The following TPP2 variants were observed in gnomAD, a reference collection of about 807,000 sequenced individuals.
TPP2 encodes tripeptidyl-peptidase 2.
Under a neutral mutation model 155.9 loss-of-function variants are expected in TPP2, and 34 were observed. The observed-to-expected ratio is 0.22, with a 90% CI of 0.17 to 0.29. The LOEUF (loss-of-function observed/expected upper bound fraction) is 0.29, where lower values mean the gene tolerates loss of function less well. Ranked by LOEUF, TPP2 falls within the 10% of genes least tolerant of loss-of-function variation. TPP2 has a pLI of 1.00. For missense variants in TPP2, 1,028 were observed against 1,522.3 expected (o/e 0.68, Z 5.40); for synonymous variants, 510 against 529.4 (o/e 0.96, Z 0.50).
intron 1 of TPP2, among the ~76,000 whole-genome samples, chr13:102,598,445 T>TACA (rs1879158021): frequency 6.6e-6 from 1 of 152,220 alleles, no homozygotes; most frequent in East Asian, 1.9e-4. Flanking sequence ...TGGTGTGTGT[T>TACA]CTTCAGCACC....
intron 6 of TPP2, among the ~76,000 whole-genome samples, chr13:102,625,083 T>C (rs6491699): frequency 0.49 from 73,152 of 148,578 alleles, 18,443 homozygotes; most frequent in African/African-American, 0.6. Flanking sequence ...TAGTATCAAA[T>C]TCCTGACCTC....
Position 102,599,341 on chromosome 13 carries a change from C to T in TPP2, c.165+2138C>T, listed in dbSNP as rs1487025700. 3.9e-5 allele frequency among the ~76,000 whole-genome samples: 6 copies of T among 152,290 alleles called. No individual in the cohort carries two copies. The East Asian group carries it at 1.2e-3, about 29-fold the overall frequency. On this transcript the variant is annotated intron_variant, in intron 1 of 29. Coordinates refer to ENST00000376052, the MANE Select transcript of TPP2 (RefSeq NM_001330588.2). ...ACCTTGACTCAGATATTGGCCTAAA[C>T]ATAGCCAGTTAAAAGAAATTGGGTA...
intron 1 of TPP2, among the ~76,000 whole-genome samples, chr13:102,602,867 G>A (rs1300856166): frequency 6.6e-6 from 1 of 151,834 alleles, no homozygotes; most frequent in Non-Finnish European, 1.5e-5. Context: ...CGGTTTTTAT[G>A]TTTCTGTTTC....
chr13:102,643,914 G>A (rs747613710), intron 17 of TPP2, among the ~76,000 whole-genome samples: 3 of 152,172 alleles, frequency 2.0e-5, no homozygotes, highest in Non-Finnish European at 4.4e-5. Flanking sequence ...TGTGTTTTCA[G>A]TTGGTTCTGG....
In TPP2 at chr13:102,674,508, T is replaced by C. The variant is rs370839096; in HGVS notation, c.3579+18T>C. The C allele has an allele frequency of 8.7e-6, 14 of 1,612,710 alleles. No individual in the cohort carries two copies. The African/African-American group carries it at 1.7e-4, about 20-fold the overall frequency. Reference sequence around the variant, plus strand: ...ACAATAAGGTAACGTTTCTGCTTCTTGTTTCAGCAAAGTTCTTGGGGTTAC... The same window carrying C: ...ACAATAAGGTAACGTTTCTGCTTCTCGTTTCAGCAAAGTTCTTGGGGTTAC... On this transcript the variant is annotated intron_variant, in intron 28 of 29. Transcript: ENST00000376052.
intron 3 of TPP2, among the ~76,000 whole-genome samples, chr13:102,615,255 A>G (rs1566325100): frequency 6.6e-6 from 1 of 152,120 alleles, no homozygotes; most frequent in Non-Finnish European, 1.5e-5. Context: ...TACTGCCTCA[A>G]CCTCCTGGGC....
intron 27 of TPP2, among the ~76,000 whole-genome samples, chr13:102,668,579 C>T (rs1884759932): frequency 6.6e-6 from 1 of 152,078 alleles, no homozygotes; most frequent in Admixed American, 6.6e-5. Context: ...ACTAAGGAAC[C>T]CCACTGAGGG....
chr13:102,601,012 A>G (rs2139402208), intron 1 of TPP2, among the ~76,000 whole-genome samples: 1 of 151,380 alleles, frequency 6.6e-6, no homozygotes, highest in African/African-American at 2.4e-5. Flanking sequence ...TGCCTCAGCC[A>G]CTGCAGTAGC....
chr13:102,637,078 C>A lies in TPP2; in HGVS notation c.1679-4C>A. On this transcript the variant is annotated splice_region_variant and splice_polypyrimidine_tract_variant and intron_variant, in intron 13 of 29. Coordinates refer to ENST00000376052, the MANE Select transcript of TPP2 (RefSeq NM_001330588.2). ...TCTTTAATTTTTGGTCTTTTTCGTG[C>A]CAGAAAACTCTGAAAAAATATCCCT... 2 of 1,568,420 alleles carry A rather than the reference C, an allele frequency of 1.3e-6. No individual in the cohort carries two copies. The highest frequency in any genetic ancestry group is 4.6e-5 in the East Asian group (2 of 43,770).
Position 102,597,114 on chromosome 13 carries a change from T to G in TPP2, c.76T>G (p.Phe26Val). 6.2e-7 allele frequency: 1 copy of G among 1,611,262 alleles called. No individual in the cohort carries two copies. The highest frequency in any genetic ancestry group is 8.5e-7 in the Non-Finnish European group (1 of 1,179,204). Residue 26 changes from phenylalanine to valine, a missense_variant, in exon 1 of 30, where the codon TTC (phenylalanine) becomes GTC (valine). Phe to Val is a conservative substitution (Grantham distance 50). This residue lies in a region of TPP2 where 300 missense variants were observed against 398.3 expected (regional missense o/e 0.75). Transcript: ENST00000376052. ...LPKKETGAAS[F>V]LCRYPEYDGR... is the part of the protein sequence containing the mutation. ...GAAGAAGGAGACCGGAGCCGCCTCC[T>G]TCCTCTGCCGCTACCCGGAGTATGA...
chr13:102,652,532 CAG>C (rs1161219851), intron 24 of TPP2, among the ~76,000 whole-genome samples: 2 of 150,706 alleles, frequency 1.3e-5, no homozygotes, highest in East Asian at 2.0e-4. Context: ...TCTTTTTAAA[CAG>C]AAAGAATTAC....
chr13:102,672,203 G>A (rs553634538), intron 27 of TPP2, among the ~76,000 whole-genome samples: 9 of 152,166 alleles, frequency 5.9e-5, no homozygotes, highest in Non-Finnish European at 1.2e-4. Context: ...GGCACTAGGG[G>A]CCGAAGAGAG....
intron 5 of TPP2, among the ~76,000 whole-genome samples, chr13:102,619,742 A>G (rs1881017675): frequency 6.6e-6 from 1 of 152,260 alleles, no homozygotes; most frequent in Non-Finnish European, 1.5e-5. Context: ...ATAACTGCAC[A>G]TAACTCTTTC....
intron 10 of TPP2, among the ~76,000 whole-genome samples, chr13:102,632,593 C>T (rs1212387744): frequency 6.6e-6 from 1 of 152,168 alleles, no homozygotes; most frequent in Non-Finnish European, 1.5e-5. Flanking sequence ...TTATCATTTA[C>T]CACTTTAACA....
intron 5 of TPP2, among the ~76,000 whole-genome samples, chr13:102,620,137 G>A (rs1881046898): frequency 6.6e-6 from 1 of 152,146 alleles, no homozygotes; most frequent in East Asian, 1.9e-4. Flanking sequence ...CTTTGTCTTA[G>A]GAAAAGGAAT....
chr13:102,676,265 T>TA, intron 28 of TPP2, 31 bp from the exon 29 acceptor site: 2 of 1,526,306 alleles, frequency 1.3e-6, no homozygotes, highest in Non-Finnish European at 1.8e-6. Context: ...AATTATTTTA[T>TA]AAACAAGCTT....
At chr13:102,618,325 A>C (rs1315658289) in intron 4 of TPP2, among the ~76,000 whole-genome samples, 1 of 152,232 alleles carries the variant, frequency 6.6e-6, no homozygotes, top group Non-Finnish European at 1.5e-5. Context: ...ATAGGTCCTG[A>C]TATAAAAATC....
At chr13:102,663,944 T>C (rs1043949509) in intron 26 of TPP2, among the ~76,000 whole-genome samples, 200 bp downstream of exon 26, 4 of 152,240 alleles carry the variant, frequency 2.6e-5, no homozygotes, top group Admixed American at 2.0e-4. Context: ...GGATTCTTGC[T>C]CATGCTTGGT....
At chr13:102,649,595 TTGGGGAAAAAAA>T in intron 23 of TPP2, 109 bp downstream of exon 23, 1 of 938,612 alleles carries the variant, frequency 1.1e-6, no homozygotes, top group Non-Finnish European at 1.5e-6. Flanking sequence ...AGATATACTC[TTGGGGAAAAAAA>T]TTTAATCCTT....
Sources: gnomAD v4.1 joint callset for allele counts (sites outside exome capture counted in the v4.1 genomes callset) on GRCh38, gnomAD v4.1.1 for gene constraint, gnomAD v4.1.1 regional missense constraint, MANE v1.5 for transcripts, NCBI Gene and HGNC (gene_info 2026-07-23, HGNC 2026-07-21) for gene names.